Variants in LGALS9 observed in about 807,000 individuals in gnomAD.
LGALS9 encodes galectin-9.
Under a neutral mutation model 35.9 loss-of-function variants are expected in LGALS9, and 26 were observed. The ratio of observed to expected loss-of-function variants is 0.72; its 90% CI spans 0.53 to 1.01. The LOEUF (loss-of-function observed/expected upper bound fraction) is 1.01, where lower values mean the gene tolerates loss of function less well. Ranked by LOEUF, LGALS9 falls within the 50% of genes least tolerant of loss-of-function variation. The pLI, the probability that LGALS9 is intolerant of heterozygous loss-of-function variation, is 0.00. For synonymous variants in LGALS9, 149 were observed against 172.2 expected (o/e 0.87, Z 1.06); for missense variants, 347 against 445.8 (o/e 0.78, Z 1.99).
Position 27,640,895 on chromosome 17 carries a change from C to T in LGALS9, c.333+122C>T, listed in dbSNP as rs569304883. ...GAGTGACACCACTATACAGATAACA[C>T]GCTCATTTCCTTGTGAGGTGTTACC... On this transcript the variant is annotated intron_variant, in intron 3 of 10. Coordinates refer to ENST00000395473, the MANE Select transcript of LGALS9 (RefSeq NM_009587.3). 1.0e-4 allele frequency: 148 copies of T among 1,431,202 alleles called. No individual in the cohort carries two copies. In the African/African-American group the frequency reaches 1.5e-3, roughly 14 times the overall value. The allele number at this position is 1,431,202 out of a possible 1,614,324, so 88.7% of individuals were successfully genotyped here.
At chr17:27,633,329 G>A (rs1254861685) in intron 1 of LGALS9, among the ~76,000 whole-genome samples, 2 of 152,234 alleles carry the variant, frequency 1.3e-5, no homozygotes, top group African/African-American at 4.8e-5. Context: ...AGCAGCCTTA[G>A]CTGGTCAACC....
In LGALS9 at chr17:27,647,362, A is replaced by G. The variant is rs761863426; in HGVS notation, c.851A>G (p.Asp284Gly). The G allele has an allele frequency of 2.5e-6, 4 of 1,614,070 alleles. No homozygotes were observed. Among genetic ancestry groups the G allele is most frequent in the Admixed American group, 3.3e-5 (2 of 60,004 alleles). ...ENAVVRNTQI[D>G]NSWGSEERSL... ...GCTGTGGTCCGCAACACCCAGATCG[A>G]CAACTCCTGGGGGTCTGAGGAGCGA... Residue 284 changes from aspartate to glycine, a missense_variant, in exon 10 of 11, where the codon GAC becomes GGC. Asp to Gly is a moderately conservative substitution (Grantham distance 94, BLOSUM62 -1). Coordinates refer to ENST00000395473, the MANE Select transcript of LGALS9 (RefSeq NM_009587.3).
chr17:27,640,570 A>G lies in LGALS9; in HGVS notation c.132-2A>G. Reference sequence around the variant, plus strand: ...AAGACTATTTGCTTTCCCTGGGCCTAGGTTTGCTGTGAACTTTCAGACTGG... The same window carrying G: ...AAGACTATTTGCTTTCCCTGGGCCTGGGTTTGCTGTGAACTTTCAGACTGG... On this transcript the variant is annotated splice_acceptor_variant, in intron 2 of 10. Coordinates refer to ENST00000395473, the MANE Select transcript of LGALS9 (RefSeq NM_009587.3). LOFTEE classifies it high-confidence loss of function. The G allele has an allele frequency of 6.2e-7, 1 of 1,614,068 alleles. No homozygotes were observed. Among genetic ancestry groups the G allele is most frequent in the Non-Finnish European group, 8.5e-7 (1 of 1,179,898 alleles).
intron 1 of LGALS9, among the ~76,000 whole-genome samples, chr17:27,634,165 G>A (rs1478361628): frequency 6.6e-6 from 1 of 152,188 alleles, no homozygotes; most frequent in South Asian, 2.1e-4. Context: ...CCTTCTGGAG[G>A]CCCCAGGGGA....
rs558499178 is a variant in LGALS9 at position 27,637,138 on chromosome 17, G to A, written c.40-1125G>A. On this transcript the variant is annotated intron_variant, in intron 1 of 10. Transcript: ENST00000395473. The stretch of plus-strand genomic sequence containing the variant: ...AGGAGATAGAACTGTGCTTTAATGC[G>A]GGTTATAGAACGACATTGGATATGA... Among the ~76,000 whole-genome samples, 19 of 152,178 alleles carry A rather than the reference G, an allele frequency of 1.2e-4. 1 individual carries two copies. The highest frequency in any genetic ancestry group is 4.3e-4 in the African/African-American group (18 of 41,442).
chr17:27,641,782 T>C (rs1399953746), intron 3 of LGALS9, among the ~76,000 whole-genome samples: 3 of 151,984 alleles, frequency 2.0e-5, no homozygotes, highest in Non-Finnish European at 4.4e-5. Context: ...AAGACCAGCC[T>C]GGCCAACATG....
At position 27,646,594 on chromosome 17, in the gene LGALS9, T is replaced by G. The variant is rs1302067910; in HGVS notation, c.669+6T>G. The G allele has an allele frequency of 1.9e-6, 3 of 1,612,542 alleles. No individual in the cohort carries two copies. Among genetic ancestry groups the G allele is most frequent in the Non-Finnish European group, 2.5e-6 (3 of 1,179,950 alleles). ...TGTACCCCCACCCCGCCTATGTAAG[T>G]GGTTTCTCAGGGAGGGCAGAGGTTC... On this transcript the variant is annotated splice_donor_region_variant and intron_variant, in intron 8 of 10. Coordinates refer to ENST00000395473, the MANE Select transcript of LGALS9 (RefSeq NM_009587.3).
At chr17:27,643,871 C>T (rs1904719720) in intron 5 of LGALS9, among the ~76,000 whole-genome samples, 2 of 152,186 alleles carry the variant, frequency 1.3e-5, no homozygotes, top group Admixed American at 1.3e-4. Context: ...CCGATGTGGT[C>T]CAGGCCTCTG....
chr17:27,633,826 C>T (rs1473084648), intron 1 of LGALS9, among the ~76,000 whole-genome samples: 1 of 152,244 alleles, frequency 6.6e-6, no homozygotes, highest in African/African-American at 2.4e-5. Flanking sequence ...CCAGTCCTCT[C>T]CAGAACACTG....
chr17:27,645,501 G>A lies in LGALS9; in HGVS notation c.576+152G>A, dbSNP rs1362284678. On this transcript the variant is annotated intron_variant, in intron 6 of 10. Coordinates refer to ENST00000395473, the MANE Select transcript of LGALS9 (RefSeq NM_009587.3). ...TCTGCCCGGCCTGGTGAGGTTGGGG[G>A]TTGGATGTGGGGGTTGGATGAAACA... The A allele has an allele frequency of 7.2e-6, 9 of 1,257,686 alleles. 1 individual carries two copies. The highest frequency in any genetic ancestry group is 8.7e-6 in the Non-Finnish European group (8 of 915,838). The allele number at this position is 1,257,686 out of a possible 1,614,324, so 77.9% of individuals were successfully genotyped here. A position where few individuals can be genotyped will look rare whatever the true frequency, so the allele number is the denominator to read the frequency against.
Position 27,648,969 on chromosome 17 carries a change from A to C in LGALS9, c.1055A>C (p.His352Pro). ...LEVGGDIQLT[H>P]VQT is the part of the protein sequence containing the mutation. ...GTGGGGGGCGACATCCAGCTGACCC[A>C]TGTGCAGACATAGGCGGCTTCCTGG... is the stretch of plus-strand genomic sequence containing the variant. Residue 352 changes from histidine (H) to proline (P), a missense_variant, in exon 11 of 11, where the codon CAT (histidine) becomes CCT (proline). Transcript: ENST00000395473. 1 of 1,613,960 alleles carries C rather than the reference A, an allele frequency of 6.2e-7. No homozygotes were observed. The highest frequency in any genetic ancestry group is 8.5e-7 in the Non-Finnish European group (1 of 1,179,858).
intron 2 of LGALS9, chr17:27,640,349 T>A: frequency 4.5e-6 from 3 of 667,178 alleles, no homozygotes; most frequent in Non-Finnish European, 2.5e-6. Flanking sequence ...GTTTTCTATT[T>A]GCTTTTAGCA....
At chr17:27,646,972 A>T (rs1904992429) in intron 8 of LGALS9, 58 bp from the exon 9 acceptor site, 1 of 1,611,358 alleles carries the variant, frequency 6.2e-7, no homozygotes, top group African/African-American at 1.3e-5. Flanking sequence ...AATTCATGGG[A>T]ACTGGTACAA....
chr17:27,638,973 G>A (rs1399138463), intron 2 of LGALS9, among the ~76,000 whole-genome samples: 5 of 152,076 alleles, frequency 3.3e-5, no homozygotes, highest in Non-Finnish European at 7.4e-5. Flanking sequence ...CACCCCGACC[G>A]GGTGGCACAG....
chr17:27,638,103 C>T (rs1466807605), intron 1 of LGALS9, among the ~76,000 whole-genome samples, 160 bp from the exon 2 acceptor site: 1 of 151,864 alleles, frequency 6.6e-6, no homozygotes, highest in East Asian at 1.9e-4. Flanking sequence ...ACACAGGACC[C>T]TAAGACCCGT....
chr17:27,649,169 G>T lies in LGALS9; in HGVS notation c.*187G>T, dbSNP rs1350368086. On this transcript the variant is annotated 3_prime_UTR_variant, in exon 11 of 11. Transcript: ENST00000395473. ...TGGAACGGAGAAGGCAGCTGACGGG[G>T]ATTGCCTTCCTCAGCCGCAGCAGCA... The T allele has an allele frequency of 2.2e-6, 2 of 924,146 alleles. No homozygotes were observed. The highest frequency in any genetic ancestry group is 3.5e-5 in the South Asian group (2 of 57,938). 57.2% of individuals were successfully genotyped at this position (924,146 alleles called of 1,614,324 possible). A position where few individuals can be genotyped will look rare whatever the true frequency, so the allele number is the denominator to read the frequency against.
rs1331380787 is a variant in LGALS9, at chr17:27,647,027, C to G, written c.670-3C>G. The G allele has an allele frequency of 1.2e-6, 2 of 1,613,880 alleles. No individual in the cohort carries two copies. Among genetic ancestry groups the G allele is most frequent in the Admixed American group, 1.7e-5 (1 of 59,996 alleles). On this transcript the variant is annotated splice_polypyrimidine_tract_variant and splice_region_variant and intron_variant, in intron 8 of 10. Transcript: ENST00000395473. ...GGCTGACCTGTCCCCCTTCTTCCGA[C>G]AGCCGATGCCTTTCATCACCACCAT...
chr17:27,645,791 G>A, intron 6 of LGALS9, 70 bp from the exon 7 acceptor site: 2 of 1,315,572 alleles, frequency 1.5e-6, no homozygotes, highest in East Asian at 2.3e-5. Flanking sequence ...CTGCCGTGTG[G>A]CGCCCTCTGG....
Position 27,647,080 on chromosome 17 carries a change from C to A in LGALS9, c.720C>A (p.Ser240=), listed in dbSNP as rs749815662. ...TGGGAGGGCTGTACCCATCCAAGTC[C>A]ATCCTCCTGTCAGGCACTGTCCTGC... The part of the protein sequence containing the change: ...TILGGLYPSK[S]ILLSGTVLPS... The change falls in exon 9 of 11, where the codon TCC becomes TCA. Residue 240 remains serine, a synonymous_variant. Transcript: ENST00000395473. The A allele has an allele frequency of 3.7e-5, 59 of 1,614,082 alleles. No homozygotes were observed. The Middle Eastern group carries it at 9.9e-4, about 27-fold the overall frequency.
Sources: allele counts gnomAD v4.1 joint callset (sites outside exome capture counted in the v4.1 genomes callset), GRCh38; gene constraint gnomAD v4.1.1; transcripts MANE v1.5; gene names NCBI Gene and HGNC (gene_info 2026-07-23, HGNC 2026-07-21).